The following ME1 variants were observed in gnomAD, a reference collection of about 807,000 sequenced individuals.
The protein encoded by ME1 is malic enzyme 1, also known as NADP-dependent malic enzyme.
Under a neutral mutation model 66.4 loss-of-function variants are expected in ME1, and 74 were observed. The ratio of observed to expected loss-of-function variants is 1.11; its 90% CI spans 0.92 to 1.35. ME1 has a LOEUF of 1.35. Ranked by LOEUF, ME1 falls within the 40% of genes most tolerant of loss-of-function variation. The pLI is 0.00. For missense variants in ME1, 750 were observed against 694.1 expected, an observed-to-expected ratio of 1.08 and a Z score of -0.90; for synonymous variants, 251 against 235.6, an observed-to-expected ratio of 1.07 and a Z score of -0.60.
chr6:83,228,859 T>C lies in ME1; in HGVS notation c.1099A>G (p.Ile367Val), dbSNP rs374875808. The C allele has an allele frequency of 3.9e-5, 63 of 1,612,760 alleles. 2 individuals carry two copies. The Middle Eastern group carries it at 4.9e-4, about 13-fold the overall frequency. Residue 367 changes from isoleucine (I) to valine (V), a missense_variant, in exon 10 of 14, where the codon ATT becomes GTT. Physicochemically the swap from Ile to Val is conservative, Grantham distance 29 (BLOSUM62 3). Transcript: ENST00000369705. ...GCAGTTGGTTTTATTTCTTGAACAA[T>C]GGCTTCTAGGTTCTTCATTTCTTCA... is the stretch of plus-strand genomic sequence containing the variant. Reference protein sequence around the residue: ...EHEEMKNLEAIVQEIKPTALI... With the variant: ...EHEEMKNLEAVVQEIKPTALI...
At chr6:83,401,378 T>A (rs943104039) in intron 2 of ME1, among the ~76,000 whole-genome samples, 1 of 152,060 alleles carries the variant, frequency 6.6e-6, no homozygotes, top group African/African-American at 2.4e-5. Context: ...TTTCATGAGG[T>A]CAGAGATCAT....
chr6:83,418,656 A>G (rs1250934370), intron 1 of ME1, among the ~76,000 whole-genome samples: 2 of 152,196 alleles, frequency 1.3e-5, no homozygotes, highest in African/African-American at 2.4e-5. Flanking sequence ...TCACACTCAC[A>G]GATATCATTG....
At chr6:83,387,351 C>T (rs564952082) in intron 3 of ME1, among the ~76,000 whole-genome samples, 119 of 152,090 alleles carry the variant, frequency 7.8e-4, no homozygotes, top group African/African-American at 2.8e-3. Context: ...GGAGTATTAG[C>T]TTTGGGAAGG....
At chr6:83,401,259 C>A (rs2128551044) in intron 2 of ME1, among the ~76,000 whole-genome samples, 1 of 152,242 alleles carries the variant, frequency 6.6e-6, no homozygotes, top group Non-Finnish European at 1.5e-5. Flanking sequence ...TGTTTGAGCC[C>A]AGGATGTTGA....
At chr6:83,234,562 T>G (rs1245114918) in intron 9 of ME1, among the ~76,000 whole-genome samples, 1 of 152,214 alleles carries the variant, frequency 6.6e-6, no homozygotes, top group Non-Finnish European at 1.5e-5. Context: ...CCTCCTTCCA[T>G]ATTTCATCAG....
intron 6 of ME1, among the ~76,000 whole-genome samples, chr6:83,282,501 C>T (rs1201566063): frequency 6.6e-6 from 1 of 151,788 alleles, no homozygotes; most frequent in African/African-American, 2.4e-5. Context: ...GGCCAACAAA[C>T]ATGAAAAAAG....
At chr6:83,372,787 T>A (rs1303378258) in intron 3 of ME1, among the ~76,000 whole-genome samples, 1 of 152,190 alleles carries the variant, frequency 6.6e-6, no homozygotes, top group Admixed American at 6.5e-5. Flanking sequence ...GCTTCACTGT[T>A]GAGGGAGACA....
At chr6:83,386,294 A>G (rs1583411653) in intron 3 of ME1, among the ~76,000 whole-genome samples, 2 of 152,144 alleles carry the variant, frequency 1.3e-5, no homozygotes, top group East Asian at 1.9e-4. Context: ...AGAAATACAG[A>G]CAATTATAAC....
At chr6:83,342,431 A>T (rs537670442) in intron 5 of ME1, among the ~76,000 whole-genome samples, 5 of 152,326 alleles carry the variant, frequency 3.3e-5, no homozygotes, top group Admixed American at 3.3e-4. Flanking sequence ...ATTAATACAT[A>T]CTGCAACTAG....
intron 9 of ME1, 27 bp from the exon 10 acceptor site, chr6:83,228,958 A>T: frequency 1.3e-6 from 2 of 1,482,654 alleles, no homozygotes; most frequent in Non-Finnish European, 1.9e-6. Context: ...AGAAAAAATT[A>T]AGAATCTGCC....
At chr6:83,224,032 C>G (rs1302182073) in intron 11 of ME1, 99 bp from the exon 12 acceptor site, 1 of 1,078,600 alleles carries the variant, frequency 9.3e-7, no homozygotes, top group East Asian at 2.6e-5. Flanking sequence ...ATTATAAGTA[C>G]TTAGAAAGAA....
chr6:83,411,632 T>C (rs1292783255), intron 1 of ME1, among the ~76,000 whole-genome samples: 2 of 152,210 alleles, frequency 1.3e-5, no homozygotes, highest in Non-Finnish European at 2.9e-5. Flanking sequence ...ATTTTTACCT[T>C]AGCATTATCC....
In ME1 at chr6:83,315,320, C is replaced by T. The variant is rs148600837; in HGVS notation, c.694G>A (p.Val232Ile). The T allele has an allele frequency of 4.9e-4, 777 of 1,598,346 alleles. 7 individuals are homozygous for T. The African/African-American group carries it at 9.7e-3, about 20-fold the overall frequency. The change falls in exon 6 of 14, where the codon GTT becomes ATT. Residue 232 changes from valine (V) to isoleucine (I), a missense_variant. Val to Ile is a conservative substitution (Grantham distance 29, BLOSUM62 3). Coordinates refer to ENST00000369705, the MANE Select transcript of ME1 (RefSeq NM_002395.6). ...DDFLDEFMEA[V>I]SSKYGMNCLI... is the part of the protein sequence containing the mutation. ...AATAAAGATACATACTTGGAAGAAACTGCCTCCATGAATTCGTCCAAAAAA... is the reference window on the plus strand; with the variant it reads ...AATAAAGATACATACTTGGAAGAAATTGCCTCCATGAATTCGTCCAAAAAA...
chr6:83,302,538 A>C (rs1767747085), intron 6 of ME1, among the ~76,000 whole-genome samples: 1 of 152,206 alleles, frequency 6.6e-6, no homozygotes, highest in Admixed American at 6.5e-5. Flanking sequence ...GACCTCTAAT[A>C]TCTTGATGAC....
chr6:83,298,149 C>T (rs1473278575), intron 6 of ME1, among the ~76,000 whole-genome samples: 2 of 152,138 alleles, frequency 1.3e-5, no homozygotes, highest in Non-Finnish European at 2.9e-5. Context: ...CTGTCTTCCA[C>T]AATGATTGAA....
chr6:83,264,351 T>A (rs1443766441), intron 6 of ME1, among the ~76,000 whole-genome samples: 1 of 152,126 alleles, frequency 6.6e-6, no homozygotes, highest in Admixed American at 6.6e-5. Flanking sequence ...ACTAGAAAAA[T>A]GTTTTCATGC....
At chr6:83,231,982 T>C (rs1407332030) in intron 9 of ME1, among the ~76,000 whole-genome samples, 1 of 152,212 alleles carries the variant, frequency 6.6e-6, no homozygotes, top group Admixed American at 6.5e-5. Flanking sequence ...ATAACCAGAT[T>C]TAATTACTAC....
chr6:83,310,009 T>C (rs764015090), intron 6 of ME1, among the ~76,000 whole-genome samples: 56 of 152,184 alleles, frequency 3.7e-4, no homozygotes, highest in Non-Finnish European at 5.7e-4. Context: ...ATTGATAAAT[T>C]TGTTGAACAG....
At chr6:83,215,089 C>G (rs79070747) in intron 13 of ME1, among the ~76,000 whole-genome samples, 6,901 of 152,164 alleles carry the variant, frequency 0.045, 262 homozygotes, top group East Asian at 0.17. Context: ...TATGAACATA[C>G]TTTTTCATAG....
Sources: gnomAD v4.1 joint callset for allele counts (sites outside exome capture counted in the v4.1 genomes callset) on GRCh38, gnomAD v4.1.1 for gene constraint, MANE v1.5 for transcripts, NCBI Gene and HGNC (gene_info 2026-07-23, HGNC 2026-07-21) for gene names.